Variants in CSMD1 observed in about 807,000 individuals in gnomAD.
CSMD1 encodes CUB and sushi domain-containing protein 1.
CSMD1 carries 213 observed loss-of-function variants against 417.5 expected under a neutral mutation model. The observed-to-expected ratio is 0.51, with a 90% CI of 0.46 to 0.57. The LOEUF is 0.57. CSMD1 is among the 20% of genes least tolerant of loss of function. The probability of loss-of-function intolerance (pLI) is 0.00; values close to 1 mark genes in which losing one functional copy is unlikely to be tolerated. For synonymous variants in CSMD1, 2,862 were observed against 1,736.8 expected, an observed-to-expected ratio of 1.65 and a Z score of -16.11; for missense variants, 6,923 against 4,529.7, an observed-to-expected ratio of 1.53 and a Z score of -15.17.
chr8:4,263,520 C>A (rs1438595467), intron 3 of CSMD1, among the ~76,000 whole-genome samples: 1 of 152,158 alleles, frequency 6.6e-6, no homozygotes, highest in Non-Finnish European at 1.5e-5. Context: ...ATTTACTTCT[C>A]TGGCACTTGA....
At chr8:3,616,341 C>G (rs1440605757) in intron 8 of CSMD1, among the ~76,000 whole-genome samples, 1 of 152,108 alleles carries the variant, frequency 6.6e-6, no homozygotes, top group Admixed American at 6.6e-5. Flanking sequence ...TTCGCTCATT[C>G]TTCTCCTTCC....
chr8:3,439,942 T>C (rs1255845549), intron 12 of CSMD1, among the ~76,000 whole-genome samples: 1 of 152,162 alleles, frequency 6.6e-6, no homozygotes, highest in Non-Finnish European at 1.5e-5. Flanking sequence ...CTTTGGCCCC[T>C]TTACCAAAAA....
chr8:4,787,612 C>G, intron 1 of CSMD1: 2 of 1,554,612 alleles, frequency 1.3e-6, no homozygotes, highest in Non-Finnish European at 1.8e-6. Flanking sequence ...AATGGGTTTG[C>G]AGAAGAATAG....
chr8:3,838,616 T>G (rs945731247), intron 5 of CSMD1, among the ~76,000 whole-genome samples: 1 of 136,970 alleles, frequency 7.3e-6, no homozygotes, highest in Non-Finnish European at 1.5e-5. Flanking sequence ...TTATATATAA[T>G]AAATAAATTA....
chr8:3,984,164 G>A (rs1052452601), intron 5 of CSMD1, among the ~76,000 whole-genome samples: 3 of 152,160 alleles, frequency 2.0e-5, no homozygotes, highest in Admixed American at 6.5e-5. Flanking sequence ...AGAGCACATC[G>A]CAGAAAATTC....
intron 2 of CSMD1, among the ~76,000 whole-genome samples, chr8:4,460,961 G>C (rs1212620320): frequency 6.6e-6 from 1 of 152,034 alleles, no homozygotes; most frequent in East Asian, 1.9e-4. Context: ...CATAGTTATA[G>C]ATAGAAACTA....
chr8:4,676,493 G>C (rs1805690107), intron 1 of CSMD1, among the ~76,000 whole-genome samples: 2 of 152,084 alleles, frequency 1.3e-5, no homozygotes, highest in South Asian at 4.1e-4. Flanking sequence ...CACAGGTCCT[G>C]CTAATTTTGC....
intron 5 of CSMD1, among the ~76,000 whole-genome samples, chr8:3,860,435 C>T (rs988971745): frequency 1.3e-5 from 2 of 151,844 alleles, no homozygotes; most frequent in African/African-American, 4.8e-5. Context: ...AACAATAAAA[C>T]TTTTTTTTCC....
rs768724638 is a variant in CSMD1, at chr8:3,181,123, G to T, written c.5712C>A (p.His1904Gln). Residue 1904 changes from histidine (H) to glutamine (Q), a missense_variant, in exon 37 of 70, where the codon CAC (histidine) becomes CAA (glutamine). His to Gln is a conservative substitution (Grantham distance 24). Coordinates refer to ENST00000635120, the MANE Select transcript of CSMD1 (RefSeq NM_033225.6). The part of the protein sequence containing the change: ...SDISVAAAGF[H>Q]LEYKTVGLAA... ...AGTTGACCTTACTTTTGTATTCCAG[G>T]TGGAAACCAGCAGCTGCCACACTAA... The T allele has an allele frequency of 1.2e-6, 2 of 1,613,026 alleles. No individual in the cohort carries two copies. The highest frequency in any genetic ancestry group is 4.5e-5 in the East Asian group (2 of 44,878).
intron 6 of CSMD1, among the ~76,000 whole-genome samples, chr8:3,712,546 G>C (rs1801586968): frequency 6.6e-6 from 1 of 152,142 alleles, no homozygotes; most frequent in Non-Finnish European, 1.5e-5. Flanking sequence ...AAACTATTGA[G>C]TCATTCATTC....
At chr8:4,213,827 G>C (rs551278698) in intron 3 of CSMD1, among the ~76,000 whole-genome samples, 8 of 152,304 alleles carry the variant, frequency 5.3e-5, no homozygotes, top group African/African-American at 1.7e-4. Flanking sequence ...TAAGAAAAGA[G>C]ACAGTTATTG....
chr8:3,210,997 A>G lies in CSMD1; in HGVS notation c.4867+3500T>C, dbSNP rs140219959. Among the ~76,000 whole-genome samples the G allele has an allele frequency of 4.8e-3, 732 of 152,260 alleles. 9 individuals are homozygous for G. The highest frequency in any genetic ancestry group is 0.016 in the African/African-American group (661 of 41,540). ...GAAAAATACACCAGGGGATGCAAAA[A>G]TCATTTTCTGGGATACAAGAAAGAA... On this transcript the variant is annotated intron_variant, in intron 30 of 69. Coordinates refer to ENST00000635120, the MANE Select transcript of CSMD1 (RefSeq NM_033225.6).
chr8:3,588,008 G>C (rs928185302), intron 8 of CSMD1, among the ~76,000 whole-genome samples: 4 of 152,094 alleles, frequency 2.6e-5, no homozygotes, highest in Non-Finnish European at 5.9e-5. Flanking sequence ...TAAGATATCT[G>C]TAATTGTAGA....
At chr8:4,674,333 A>T (rs1805541219) in intron 1 of CSMD1, among the ~76,000 whole-genome samples, 1 of 152,158 alleles carries the variant, frequency 6.6e-6, no homozygotes, top group African/African-American at 2.4e-5. Context: ...ATGCTAAGGA[A>T]GGTAAACGCA....
At chr8:4,020,899 T>C (rs1396119793) in intron 4 of CSMD1, among the ~76,000 whole-genome samples, 1 of 152,238 alleles carries the variant, frequency 6.6e-6, no homozygotes, top group East Asian at 1.9e-4. Flanking sequence ...AGCTCAAATA[T>C]GCTTCAGCAA....
chr8:3,466,139 T>C (rs1226567596), intron 12 of CSMD1, among the ~76,000 whole-genome samples: 2 of 152,164 alleles, frequency 1.3e-5, no homozygotes, highest in Non-Finnish European at 2.9e-5. Flanking sequence ...CCATGTGTTA[T>C]GAGCCTTACA....
At chr8:4,759,084 A>G (rs1022976414) in intron 1 of CSMD1, among the ~76,000 whole-genome samples, 12 of 152,212 alleles carry the variant, frequency 7.9e-5, no homozygotes, top group African/African-American at 2.9e-4. Flanking sequence ...TGGGAGCAAT[A>G]TCTGTTAAAG....
intron 2 of CSMD1, among the ~76,000 whole-genome samples, chr8:4,505,712 G>T (rs770715045): frequency 6.6e-6 from 1 of 152,046 alleles, no homozygotes; most frequent in Non-Finnish European, 1.5e-5. Flanking sequence ...TTCTTCATCT[G>T]CCAATGAAGC....
intron 2 of CSMD1, among the ~76,000 whole-genome samples, chr8:4,628,522 G>C (rs969274021): frequency 6.6e-6 from 1 of 151,302 alleles, no homozygotes; most frequent in Admixed American, 6.6e-5. Flanking sequence ...TATACAGAGA[G>C]AGAAAGAGAC....
Sources: allele counts gnomAD v4.1 joint callset (sites outside exome capture counted in the v4.1 genomes callset), GRCh38; gene constraint gnomAD v4.1.1; transcripts MANE v1.5; gene names NCBI Gene and HGNC (gene_info 2026-07-23, HGNC 2026-07-21).